Variants in RIPOR2 observed in about 807,000 individuals in gnomAD.
RIPOR2 encodes the protein rho family-interacting cell polarization regulator 2.
Under a neutral mutation model 114.5 loss-of-function variants are expected in RIPOR2, and 39 were observed. The ratio of observed to expected loss-of-function variants is 0.34; its 90% CI spans 0.26 to 0.44. RIPOR2 has a LOEUF of 0.44. Ranked by LOEUF, RIPOR2 falls within the 20% of genes least tolerant of loss-of-function variation. RIPOR2 has a pLI of 1.00. For missense variants in RIPOR2, 1,007 were observed against 1,255.1 expected (o/e 0.80, Z 2.99); for synonymous variants, 445 against 484.4 (o/e 0.92, Z 1.07).
intron 1 of RIPOR2, among the ~76,000 whole-genome samples, chr6:24,922,073 C>A (rs527796002): frequency 6.6e-6 from 1 of 152,002 alleles, no homozygotes; most frequent in Non-Finnish European, 1.5e-5. Context: ...TCAAGTGATC[C>A]GTCCTCCTCG....
At chr6:24,909,289 A>G (rs1769309018) in intron 1 of RIPOR2, among the ~76,000 whole-genome samples, 1 of 152,134 alleles carries the variant, frequency 6.6e-6, no homozygotes, top group South Asian at 2.1e-4. Flanking sequence ...CTACAGAAGG[A>G]TAACTACTGA....
intron 1 of RIPOR2, among the ~76,000 whole-genome samples, chr6:24,889,105 GT>G (rs1350636350): frequency 1.3e-5 from 2 of 152,170 alleles, no homozygotes; most frequent in East Asian, 3.8e-4. Flanking sequence ...AATACATGAG[GT>G]ATAAAGTGCT....
At chr6:24,908,075 A>G (rs1254108148) in intron 1 of RIPOR2, among the ~76,000 whole-genome samples, 5 of 148,770 alleles carry the variant, frequency 3.4e-5, no homozygotes, top group Non-Finnish European at 7.4e-5. Context: ...CCCCCAGCTC[A>G]TGGAGCTCAG....
chr6:25,039,565 G>A (rs303899), intron 1 of RIPOR2, among the ~76,000 whole-genome samples: 79,457 of 151,996 alleles, frequency 0.52, 20,808 homozygotes, highest in South Asian at 0.56. Context: ...ACAGTATTCA[G>A]ATGTTAGTCT....
At chr6:24,856,394 G>A in intron 8 of RIPOR2, among the ~76,000 whole-genome samples, 1 of 152,214 alleles carries the variant, frequency 6.6e-6, no homozygotes, top group South Asian at 2.1e-4. Flanking sequence ...AAGTATAATC[G>A]ACTTGTTTTT....
chr6:24,932,975 G>A (rs1016430508), intron 1 of RIPOR2, among the ~76,000 whole-genome samples: 25 of 152,160 alleles, frequency 1.6e-4, no homozygotes, highest in African/African-American at 6.0e-4. Context: ...TGTGTAATCA[G>A]TCCCCTTGTT....
intron 1 of RIPOR2, among the ~76,000 whole-genome samples, chr6:24,903,459 C>A (rs944179735): frequency 2.6e-5 from 4 of 151,992 alleles, no homozygotes; most frequent in Admixed American, 6.6e-5. Flanking sequence ...ATATAATCTG[C>A]CAATCTGCCA....
At chr6:24,976,188 C>A (rs1774033098) in intron 1 of RIPOR2, among the ~76,000 whole-genome samples, 2 of 152,006 alleles carry the variant, frequency 1.3e-5, no homozygotes, top group South Asian at 2.1e-4. Context: ...AGAATATGTG[C>A]AAACATACTC....
intron 1 of RIPOR2, among the ~76,000 whole-genome samples, chr6:24,968,418 G>A (rs1372789302): frequency 6.6e-6 from 1 of 152,128 alleles, no homozygotes; most frequent in Non-Finnish European, 1.5e-5. Context: ...TCCCTGCTGA[G>A]TGGACGCCCC....
intron 1 of RIPOR2, chr6:24,976,867 C>T: frequency 1.2e-6 from 2 of 1,608,460 alleles, no homozygotes; most frequent in South Asian, 2.2e-5. Context: ...AGCATGTGGT[C>T]TTTGGCAAAG....
intron 1 of RIPOR2, among the ~76,000 whole-genome samples, chr6:24,944,716 A>C (rs1226951296): frequency 6.6e-6 from 1 of 152,196 alleles, no homozygotes; most frequent in Non-Finnish European, 1.5e-5. Flanking sequence ...AATTTCAAGT[A>C]GGATAAACTC....
rs537073969 is a variant in RIPOR2 at position 24,866,756 on chromosome 6, A to G, written c.502-1306T>C. Among the ~76,000 whole-genome samples the G allele has an allele frequency of 2.0e-5, 3 of 152,356 alleles. No homozygotes were observed. The South Asian group carries it at 6.2e-4, about 32-fold the overall frequency. ...CTACAAGAATTTTCAGGCGGATAAC[A>G]AACAACAATACCATCAGGCATTGTC... On this transcript the variant is annotated intron_variant, in intron 6 of 21. Coordinates refer to ENST00000643898, the MANE Select transcript of RIPOR2 (RefSeq NM_001286445.3).
intron 1 of RIPOR2, among the ~76,000 whole-genome samples, chr6:24,982,808 G>A (rs1013517783): frequency 7.9e-5 from 12 of 152,122 alleles, no homozygotes; most frequent in African/African-American, 2.9e-4. Context: ...AAATTTACCT[G>A]GCCCAGAGAG....
chr6:24,964,790 C>A (rs1175144248), intron 1 of RIPOR2, among the ~76,000 whole-genome samples: 1 of 152,200 alleles, frequency 6.6e-6, no homozygotes, highest in African/African-American at 2.4e-5. Flanking sequence ...CACATACTCA[C>A]CTGCATTTGG....
At chr6:24,953,848 A>C (rs778484521) in intron 1 of RIPOR2, among the ~76,000 whole-genome samples, 25 of 152,322 alleles carry the variant, frequency 1.6e-4, no homozygotes, top group Non-Finnish European at 2.9e-4. Context: ...ATAAAAATAC[A>C]CAAGCTTCTC....
intron 1 of RIPOR2, among the ~76,000 whole-genome samples, chr6:24,891,588 C>A (rs746746247): frequency 6.6e-6 from 1 of 151,838 alleles, no homozygotes; most frequent in African/African-American, 2.4e-5. Context: ...CTTATGTATC[C>A]GAGACTGGAT....
intron 3 of RIPOR2, 83 bp from the exon 4 acceptor site, chr6:24,873,042 A>C: frequency 1.1e-6 from 1 of 900,236 alleles, no homozygotes; most frequent in Non-Finnish European, 1.8e-6. Flanking sequence ...TTCCTTCTCA[A>C]AGGGGATTAA....
At chr6:24,860,406 T>C (rs1172172682) in intron 8 of RIPOR2, among the ~76,000 whole-genome samples, 4 of 152,224 alleles carry the variant, frequency 2.6e-5, no homozygotes, top group Non-Finnish European at 5.9e-5. Context: ...GCATGGACCT[T>C]GTTGGGATCC....
At chr6:25,012,103 T>G (rs1411074369) in intron 1 of RIPOR2, among the ~76,000 whole-genome samples, 1 of 152,206 alleles carries the variant, frequency 6.6e-6, no homozygotes, top group African/African-American at 2.4e-5. Flanking sequence ...AAAGGAGATA[T>G]GCAAATGGCT....
Sources: allele counts gnomAD v4.1 joint callset (sites outside exome capture counted in the v4.1 genomes callset), GRCh38; gene constraint gnomAD v4.1.1; transcripts MANE v1.5; gene names NCBI Gene and HGNC (gene_info 2026-07-23, HGNC 2026-07-21).